TMX4: variants seen among roughly 807,000 people sequenced by gnomAD.
TMX4 encodes the protein thioredoxin-related transmembrane protein 4.
A neutral mutation model predicts 33.3 loss-of-function variants in TMX4; 23 were observed. The observed-to-expected ratio is 0.69, with a 90% CI of 0.50 to 0.98. The LOEUF is 0.98. Among genes scored for constraint, TMX4 ranks in the 50% least tolerant of loss-of-function variants. TMX4 has a pLI of 0.00. For missense variants in TMX4, 399 were observed against 448.9 expected, an observed-to-expected ratio of 0.89 and a Z score of 1.01; for synonymous variants, 164 against 161.5, an observed-to-expected ratio of 1.02 and a Z score of -0.12.
chr20:8,012,818 T>C (rs1044966172), intron 1 of TMX4, among the ~76,000 whole-genome samples: 1 of 152,162 alleles, frequency 6.6e-6, no homozygotes, highest in Non-Finnish European at 1.5e-5. Flanking sequence ...ACTGAGGTAA[T>C]TTTAGATATG....
At chr20:8,003,396 A>G (rs1354636065) in intron 2 of TMX4, among the ~76,000 whole-genome samples, 1 of 152,148 alleles carries the variant, frequency 6.6e-6, no homozygotes, top group Non-Finnish European at 1.5e-5. Flanking sequence ...ATTTCTATTA[A>G]ATGTTAGGTA....
At chr20:7,986,191 G>A (rs2050630333) in intron 6 of TMX4, among the ~76,000 whole-genome samples, 1 of 152,134 alleles carries the variant, frequency 6.6e-6, no homozygotes, top group Non-Finnish European at 1.5e-5. Context: ...AAAGATTAAT[G>A]CAACAGAACA....
At chr20:8,007,653 T>A (rs1196637023) in intron 2 of TMX4, among the ~76,000 whole-genome samples, 2 of 152,184 alleles carry the variant, frequency 1.3e-5, no homozygotes, top group African/African-American at 2.4e-5. Flanking sequence ...GTGGTCCTAT[T>A]GTTCTCCAAA....
intron 2 of TMX4, among the ~76,000 whole-genome samples, chr20:8,005,336 A>G (rs2050724329): frequency 6.6e-6 from 1 of 152,226 alleles, no homozygotes; most frequent in Non-Finnish European, 1.5e-5. Context: ...TGATCTACGC[A>G]GTATTAAACA....
Position 8,001,504 on chromosome 20 carries a change from T to C in TMX4, c.330A>G (p.Ala110=). ...AGATTATTTAAACTTACTGAAAAAA[T>C]GCTGGGAGAGTGGTGACAAAGAAGC... ...SGRFFVTTLP[A]FFHAKDGIFR... is the part of the protein sequence containing the mutation. The change falls in exon 3 of 8, where the codon GCA becomes GCG. Residue 110 remains alanine (A), a synonymous_variant. Coordinates refer to ENST00000246024, the MANE Select transcript of TMX4 (RefSeq NM_021156.4). 1 of 1,597,950 alleles carries C rather than the reference T, an allele frequency of 6.3e-7. No homozygotes were observed. The highest frequency in any genetic ancestry group is 1.1e-5 in the South Asian group (1 of 88,814).
chr20:7,996,433 C>A (rs910688258), intron 4 of TMX4, among the ~76,000 whole-genome samples: 2 of 152,186 alleles, frequency 1.3e-5, no homozygotes, highest in African/African-American at 4.8e-5. Context: ...TTTCTAAGCT[C>A]TAAGAAAATA....
At chr20:8,002,263 A>C (rs1041452639) in intron 2 of TMX4, among the ~76,000 whole-genome samples, 4 of 152,192 alleles carry the variant, frequency 2.6e-5, no homozygotes, top group Non-Finnish European at 4.4e-5. Context: ...TGTTCCAGAG[A>C]CTGTGGTTAC....
intron 1 of TMX4, among the ~76,000 whole-genome samples, chr20:8,017,553 A>C (rs953699746): frequency 4.6e-5 from 7 of 151,374 alleles, no homozygotes; most frequent in Admixed American, 2.0e-4. Flanking sequence ...TTCTATTACC[A>C]AAAAAAAAGC....
intron 1 of TMX4, chr20:8,019,062 C>G (rs1312973934): frequency 4.3e-6 from 2 of 459,890 alleles, no homozygotes; most frequent in South Asian, 3.2e-5. Context: ...GGTTTGCTTG[C>G]AGATTTTCTT....
At chr20:7,996,969 C>T (rs2050679095) in intron 4 of TMX4, among the ~76,000 whole-genome samples, 1 of 152,152 alleles carries the variant, frequency 6.6e-6, no homozygotes, top group African/African-American at 2.4e-5. Context: ...GATGACCTCA[C>T]CATGTTTCAT....
rs1345911623 is a variant in TMX4 at position 7,977,631 on chromosome 20, G to A, written c.*4620C>T. ...ATTCCAATTGCTGCAGATGCTATTT[G>A]AGGAAGCAAAGAATACAGAAAGAAA... On this transcript the variant is annotated 3_prime_UTR_variant, in exon 8 of 8. Coordinates refer to ENST00000246024, the MANE Select transcript of TMX4 (RefSeq NM_021156.4). The A allele has an allele frequency of 6.6e-6, 1 of 152,198 alleles. No homozygotes were observed. The highest frequency in any genetic ancestry group is 6.5e-5 in the Admixed American group (1 of 15,282). The allele number at this position is 152,198 out of a possible 1,614,324, so 9.4% of individuals were successfully genotyped here.
chr20:7,983,147 G>A (rs944094921), intron 7 of TMX4, among the ~76,000 whole-genome samples: 2 of 152,156 alleles, frequency 1.3e-5, no homozygotes, highest in Non-Finnish European at 2.9e-5. Flanking sequence ...TTTCAGTTAT[G>A]TGAGCTAATA....
chr20:8,006,700 T>G (rs1045736078), intron 2 of TMX4, among the ~76,000 whole-genome samples: 1 of 151,398 alleles, frequency 6.6e-6, no homozygotes, highest in Non-Finnish European at 1.5e-5. Flanking sequence ...TACTTCTCCC[T>G]CTCTATCTCA....
intron 2 of TMX4, among the ~76,000 whole-genome samples, chr20:8,003,132 T>C (rs998813355): frequency 6.6e-6 from 1 of 152,170 alleles, no homozygotes; most frequent in African/African-American, 2.4e-5. Flanking sequence ...AGTACTGTTA[T>C]TCCTAAATAC....
rs1251170502 is a variant in TMX4 at position 7,977,374 on chromosome 20, T to C, written c.*4877A>G. 2 of 152,262 alleles carry C rather than the reference T, an allele frequency of 1.3e-5. No homozygotes were observed. Among genetic ancestry groups the C allele is most frequent in the African/African-American group, 4.8e-5 (2 of 41,472 alleles). 9.4% of individuals were successfully genotyped at this position (152,262 alleles called of 1,614,324 possible). Reference sequence around the variant, plus strand: ...AGGATGGACACGAAGGAAAATTTTTTTTAACAAATTAATATTTTTTGCTGC... The same window carrying C: ...AGGATGGACACGAAGGAAAATTTTTCTTAACAAATTAATATTTTTTGCTGC... On this transcript the variant is annotated 3_prime_UTR_variant, in exon 8 of 8. Coordinates refer to ENST00000246024, the MANE Select transcript of TMX4 (RefSeq NM_021156.4).
rs1568540910 is a variant in TMX4 at position 8,018,346 on chromosome 20, GAGGGAGAGAGA to G, written c.176+1081_176+1091del. ...GACAGAGAGAGAGAGAGAGAGAGAG[GAGGGAGAGAGA>G]GAGAGAGAGAGGAGAGAGAGGAGAG... On this transcript the variant is annotated intron_variant, in intron 1 of 7. Transcript: ENST00000246024. 1.6e-3 allele frequency among the ~76,000 whole-genome samples: 137 copies of G among 86,556 alleles called. 5 individuals carry two copies. The highest frequency in any genetic ancestry group is 6.1e-3 in the African/African-American group (134 of 21,980). 56.8% of individuals were successfully genotyped at this position (86,556 alleles called of 152,430 possible). A position where few individuals can be genotyped will look rare whatever the true frequency, so the allele number is the denominator to read the frequency against.
chr20:8,003,340 AAAGTT>A (rs2122870415), intron 2 of TMX4, among the ~76,000 whole-genome samples: 1 of 152,218 alleles, frequency 6.6e-6, no homozygotes, highest in African/African-American at 2.4e-5. Context: ...ATCACCTCTT[AAAGTT>A]TTTTACTTAG....
chr20:7,995,605 C>T (rs1216686860), intron 5 of TMX4, among the ~76,000 whole-genome samples: 4 of 152,116 alleles, frequency 2.6e-5, no homozygotes, highest in Non-Finnish European at 4.4e-5. Context: ...ATGTAGCTGT[C>T]TTCCAGTAAA....
chr20:8,019,715 G>C lies in TMX4; in HGVS notation c.-102C>G. The C allele has an allele frequency of 1.9e-6, 2 of 1,042,952 alleles. No individual in the cohort carries two copies. The highest frequency in any genetic ancestry group is 2.5e-6 in the Non-Finnish European group (2 of 804,308). The allele number at this position is 1,042,952 out of a possible 1,614,324, so 64.6% of individuals were successfully genotyped here. The stretch of plus-strand genomic sequence containing the variant: ...CGGGTTTTTCAAGGAAGCGGGAGAC[G>C]CAAGGGCCACCCCGCCTACGCCTAG... On this transcript the variant is annotated 5_prime_UTR_variant, in exon 1 of 8. Transcript: ENST00000246024.
Sources: gnomAD v4.1 joint callset for allele counts (sites outside exome capture counted in the v4.1 genomes callset) on GRCh38, gnomAD v4.1.1 for gene constraint, MANE v1.5 for transcripts, NCBI Gene and HGNC (gene_info 2026-07-23, HGNC 2026-07-21) for gene names.